Variants in FABP7 observed in about 807,000 individuals in gnomAD.
The protein encoded by FABP7 is fatty acid-binding protein, brain.
A neutral mutation model predicts 14.2 loss-of-function variants in FABP7; 13 were observed. The ratio of observed to expected loss-of-function variants is 0.91; its 90% CI spans 0.59 to 1.45. The LOEUF (loss-of-function observed/expected upper bound fraction) is 1.45. FABP7 is among the 40% of genes most tolerant of loss of function. The pLI is 0.00. For missense variants in FABP7, 149 were observed against 157.6 expected (o/e 0.95, Z 0.29); for synonymous variants, 49 against 51.4 (o/e 0.95, Z 0.20).
chr6:122,754,266 G>A, the FABP7 span, among the ~76,000 whole-genome samples: 1 of 151,988 alleles, frequency 6.6e-6, no homozygotes, highest in Non-Finnish European at 1.5e-5. Context: ...ACTTAAGGAT[G>A]GTCTTCAGTT....
the FABP7 span, among the ~76,000 whole-genome samples, chr6:122,753,835 A>G: frequency 1.8e-5 from 2 of 112,624 alleles, no homozygotes; most frequent in African/African-American, 3.5e-5. Context: ...TGCTCACCTC[A>G]TGTAACTGAA....
intron 1 of FABP7, 70 bp from the exon 2 acceptor site, chr6:122,780,217 CAGAA>C (rs1225386755): frequency 6.0e-6 from 9 of 1,490,396 alleles, no homozygotes; most frequent in African/African-American, 1.4e-5. Context: ...ATTCCAGAAT[CAGAA>C]AGCAGATTCT....
At chr6:122,754,859 A>G in the FABP7 span, among the ~76,000 whole-genome samples, 2 of 152,148 alleles carry the variant, frequency 1.3e-5, no homozygotes, top group Admixed American at 6.5e-5. Context: ...CAGAAGATCT[A>G]TCCAACTCCC....
intron 3 of FABP7, chr6:122,783,110 A>G: frequency 1.0e-6 from 1 of 985,442 alleles, no homozygotes; most frequent in Non-Finnish European, 1.2e-6. Flanking sequence ...TAAGTTCTGT[A>G]AAGTGGTTTT....
chr6:122,762,663 T>C, the FABP7 span, among the ~76,000 whole-genome samples: 4 of 152,228 alleles, frequency 2.6e-5, no homozygotes, highest in African/African-American at 9.6e-5. Flanking sequence ...GCCCAAAATC[T>C]CCTTAAGCTG....
the FABP7 span, among the ~76,000 whole-genome samples, chr6:122,773,131 AG>A: frequency 6.6e-6 from 1 of 152,172 alleles, no homozygotes; most frequent in South Asian, 2.1e-4. Context: ...ATCTGGTTGC[AG>A]GTTTCTTTCC....
chr6:122,767,755 GAAA>G, the FABP7 span, among the ~76,000 whole-genome samples: 7 of 116,344 alleles, frequency 6.0e-5, no homozygotes, highest in Non-Finnish European at 8.5e-5. Flanking sequence ...CCACTAAAAG[GAAA>G]AAAAAAAAAA....
the FABP7 span, among the ~76,000 whole-genome samples, chr6:122,755,598 C>T: frequency 1.5e-4 from 23 of 151,400 alleles, no homozygotes; most frequent in Admixed American, 5.3e-4. Flanking sequence ...GGACTACAGG[C>T]GCCTGCCACC....
At chr6:122,759,118 A>G in the FABP7 span, among the ~76,000 whole-genome samples, 1 of 152,356 alleles carries the variant, frequency 6.6e-6, no homozygotes, top group East Asian at 1.9e-4. Context: ...ATGCTCTCCC[A>G]TTCATTAATT....
At chr6:122,781,477 A>G in intron 3 of FABP7, 1 of 1,374,158 alleles carries the variant, frequency 7.3e-7, no homozygotes. Context: ...AAACTGTGTC[A>G]AAAGATTTTT....
At chr6:122,764,897 T>C in the FABP7 span, among the ~76,000 whole-genome samples, 1 of 152,206 alleles carries the variant, frequency 6.6e-6, no homozygotes, top group Non-Finnish European at 1.5e-5. Flanking sequence ...GCAACTAGGC[T>C]GTCAAGACTG....
chr6:122,779,480 C>T (rs1582518041), upstream of FABP7: 2 of 290,942 alleles, frequency 6.9e-6, no homozygotes, highest in East Asian at 1.2e-4. Context: ...CGAGCTTTCT[C>T]AGGCATAAGG....
the FABP7 span, among the ~76,000 whole-genome samples, chr6:122,771,840 A>C: frequency 1.3e-5 from 2 of 152,164 alleles, no homozygotes; most frequent in Non-Finnish European, 2.9e-5. Flanking sequence ...TATAGTCTAA[A>C]TTCTTATTTT....
upstream of FABP7, among the ~76,000 whole-genome samples, chr6:122,778,754 C>T (rs1000686929): frequency 6.6e-6 from 1 of 152,200 alleles, no homozygotes; most frequent in African/African-American, 2.4e-5. Context: ...CCTACCGCTC[C>T]TCCAGTTCCT....
intron 3 of FABP7, chr6:122,781,706 TA>T (rs1780790067): frequency 2.1e-6 from 2 of 937,510 alleles, no homozygotes; most frequent in Non-Finnish European, 2.5e-6. Context: ...ACAAAAAAAT[TA>T]AAATCCCCTC....
At chr6:122,782,627 G>A (rs1780820289) in intron 3 of FABP7, 2 of 985,280 alleles carry the variant, frequency 2.0e-6, no homozygotes, top group Non-Finnish European at 2.4e-6. Context: ...ACATAGGTGG[G>A]TAGGCTCATT....
chr6:122,778,038 G>A (rs1249198385), upstream of FABP7, among the ~76,000 whole-genome samples: 1 of 151,892 alleles, frequency 6.6e-6, no homozygotes, highest in Admixed American at 6.6e-5. Context: ...ATTGATTTAC[G>A]TTTTTGACTG....
upstream of FABP7, among the ~76,000 whole-genome samples, chr6:122,777,701 T>C (rs1354563325): frequency 1.3e-5 from 2 of 151,836 alleles, no homozygotes; most frequent in Non-Finnish European, 2.9e-5. Flanking sequence ...TACAAAAAAA[T>C]AGCCAGGCAT....
the FABP7 span, among the ~76,000 whole-genome samples, chr6:122,761,497 A>G: frequency 5.9e-5 from 9 of 152,214 alleles, no homozygotes; most frequent in African/African-American, 2.2e-4. Flanking sequence ...GAGTCAAAAC[A>G]AGAAAATCTT....
Sources: allele counts gnomAD v4.1 joint callset (sites outside exome capture counted in the v4.1 genomes callset), GRCh38; gene constraint gnomAD v4.1.1; transcripts MANE v1.5; gene names NCBI Gene and HGNC (gene_info 2026-07-23, HGNC 2026-07-21).